ABCB1: variants seen among roughly 807,000 people sequenced by gnomAD.
The protein encoded by ABCB1 is ATP-dependent translocase ABCB1.
A neutral mutation model predicts 142.0 loss-of-function variants in ABCB1; 69 were observed. That is an observed-to-expected ratio of 0.49 (90% CI 0.40 to 0.59). The LOEUF is 0.59. Among genes scored for constraint, ABCB1 ranks in the 20% least tolerant of loss-of-function variants. The pLI is 0.00. For synonymous variants in ABCB1, 532 were observed against 539.2 expected, an observed-to-expected ratio of 0.99 and a Z score of 0.18; for missense variants, 1,326 against 1,554.7, an observed-to-expected ratio of 0.85 and a Z score of 2.47.
intron 1 of ABCB1, among the ~76,000 whole-genome samples, chr7:87,678,796 T>G (rs1350412549): frequency 1.3e-5 from 2 of 152,142 alleles, no homozygotes; most frequent in Non-Finnish European, 2.9e-5. Context: ...TATATCAAAG[T>G]AGATTTCAGA....
intron 3 of ABCB1, among the ~76,000 whole-genome samples, chr7:87,592,564 T>A (rs944777171): frequency 9.9e-5 from 15 of 152,206 alleles, no homozygotes; most frequent in African/African-American, 3.6e-4. Context: ...TCCAGAGAGA[T>A]AACAGTTTAA....
chr7:87,602,292 CTT>C (rs59849542), upstream of ABCB1, among the ~76,000 whole-genome samples: 642 of 92,360 alleles, frequency 7.0e-3, 4 homozygotes, highest in African/African-American at 0.022. Flanking sequence ...AGCTCGGCCT[CTT>C]TTTTTTTTTT....
At chr7:87,664,432 C>A (rs1026159217) in intron 1 of ABCB1, among the ~76,000 whole-genome samples, 2 of 152,054 alleles carry the variant, frequency 1.3e-5, no homozygotes, top group Non-Finnish European at 2.9e-5. Context: ...AATACAGATG[C>A]TTATTGTGAG....
chr7:87,581,519 A>G (rs2129904202), intron 4 of ABCB1, among the ~76,000 whole-genome samples: 1 of 152,326 alleles, frequency 6.6e-6, no homozygotes, highest in South Asian at 2.1e-4. Flanking sequence ...GGCTCCAGTC[A>G]TCAGAGATTT....
chr7:87,549,488 C>A lies in ABCB1; in HGVS notation c.1585G>T (p.Ala529Ser). 6.2e-7 allele frequency: 1 copy of A among 1,614,162 alleles called. No homozygotes were observed. The highest frequency in any genetic ancestry group is 8.5e-7 in the Non-Finnish European group (1 of 1,180,030). ...KFDTLVGERG[A>S]QLSGGQKQRI... ...TGCTTCTGCCCACCACTCAACTGGG[C>A]CCCTCTCTCTCCAACCAGGGTGTCA... is the stretch of plus-strand genomic sequence containing the variant. The change falls in exon 14 of 28, where the codon GCC (alanine) becomes TCC (serine). Residue 529 changes from alanine to serine, a missense_variant. Coordinates refer to ENST00000622132, the MANE Select transcript of ABCB1 (RefSeq NM_001348946.2).
At chr7:87,570,140 A>G (rs1449449676) in intron 5 of ABCB1, 32 bp downstream of exon 5, 1 of 1,594,878 alleles carries the variant, frequency 6.3e-7, no homozygotes, top group Non-Finnish European at 8.6e-7. Flanking sequence ...ATATAGAAAA[A>G]CTTAACAATA....
intron 5 of ABCB1, among the ~76,000 whole-genome samples, chr7:87,568,847 C>G (rs1817910336): frequency 6.6e-6 from 1 of 152,104 alleles, no homozygotes; most frequent in Admixed American, 6.6e-5. Context: ...AATAGAAACC[C>G]CACATCACAA....
intron 4 of ABCB1, among the ~76,000 whole-genome samples, chr7:87,570,725 T>G (rs1238600444): frequency 1.3e-5 from 2 of 152,130 alleles, no homozygotes; most frequent in South Asian, 4.1e-4. Flanking sequence ...GGATAAAAAG[T>G]ACATTATAAA....
chr7:87,708,776 T>A (rs1829822684), intron 1 of ABCB1, among the ~76,000 whole-genome samples: 1 of 152,184 alleles, frequency 6.6e-6, no homozygotes, highest in Non-Finnish European at 1.5e-5. Context: ...TCTAATTGTG[T>A]CTGTTTTTCA....
At chr7:87,626,509 CAT>C (rs771820212) in intron 1 of ABCB1, among the ~76,000 whole-genome samples, 1,599 of 6,980 alleles carry the variant, frequency 0.23, 608 homozygotes, top group Non-Finnish European at 0.25. Flanking sequence ...ATATATGTGT[CAT>C]ATATATGTGT....
intron 1 of ABCB1, among the ~76,000 whole-genome samples, chr7:87,660,050 A>G (rs1409368497): frequency 6.6e-6 from 1 of 152,144 alleles, no homozygotes; most frequent in South Asian, 2.1e-4. Context: ...TGTGTTTATG[A>G]GTAAAATTAG....
At chr7:87,588,125 T>A (rs1055646806) in intron 3 of ABCB1, among the ~76,000 whole-genome samples, 11 of 151,792 alleles carry the variant, frequency 7.2e-5, no homozygotes, top group African/African-American at 2.7e-4. Flanking sequence ...GACAGAAAAT[T>A]GAAAGAGTTC....
intron 1 of ABCB1, among the ~76,000 whole-genome samples, chr7:87,655,597 G>A (rs563749703): frequency 6.6e-6 from 1 of 152,252 alleles, no homozygotes; most frequent in East Asian, 1.9e-4. Context: ...TTGGTTAAAG[G>A]ATATAAAAAT....
chr7:87,504,222 A>G lies in ABCB1; in HGVS notation c.*21T>C, dbSNP rs28364275. 6,367 of 1,613,738 alleles carry G rather than the reference A, an allele frequency of 3.9e-3. 201 individuals carry two copies. The African/African-American group carries it at 0.072, about 18-fold the overall frequency. On this transcript the variant is annotated 3_prime_UTR_variant, in exon 28 of 28. Transcript: ENST00000622132. Reference sequence around the variant, plus strand: ...TCTAAACAAATATTAAAAAGTATTTAACATCTCATACAGTCAGAGTTCACT... The same window carrying G: ...TCTAAACAAATATTAAAAAGTATTTGACATCTCATACAGTCAGAGTTCACT...
chr7:87,521,848 A>C, intron 21 of ABCB1: 1 of 772,764 alleles, frequency 1.3e-6, no homozygotes, highest in Non-Finnish European at 2.3e-6. Flanking sequence ...ATAGTATGGA[A>C]AAATTGAAGT....
chr7:87,679,501 C>A (rs549512209), intron 1 of ABCB1, among the ~76,000 whole-genome samples: 5 of 149,960 alleles, frequency 3.3e-5, no homozygotes, highest in Non-Finnish European at 7.4e-5. Context: ...ATGATTCTCC[C>A]ACCTCAGGTT....
intron 4 of ABCB1, among the ~76,000 whole-genome samples, chr7:87,583,020 C>T (rs1277073053): frequency 6.6e-6 from 1 of 152,022 alleles, no homozygotes; most frequent in East Asian, 1.9e-4. Flanking sequence ...TTGGGTATGT[C>T]CCAAACTTTC....
chr7:87,633,520 C>G (rs1232565229), intron 1 of ABCB1, among the ~76,000 whole-genome samples: 1 of 152,182 alleles, frequency 6.6e-6, no homozygotes, highest in Non-Finnish European at 1.5e-5. Context: ...CTTTTGCATC[C>G]TTCTGTTTCT....
intron 1 of ABCB1, among the ~76,000 whole-genome samples, chr7:87,624,482 G>A (rs532941696): frequency 8.5e-4 from 129 of 152,266 alleles, no homozygotes; most frequent in African/African-American, 3.0e-3. Flanking sequence ...CTGTTTCGAT[G>A]AGAAGAAGGA....
Sources: gnomAD v4.1 joint callset for allele counts (sites outside exome capture counted in the v4.1 genomes callset) on GRCh38, gnomAD v4.1.1 for gene constraint, MANE v1.5 for transcripts, NCBI Gene and HGNC (gene_info 2026-07-23, HGNC 2026-07-21) for gene names.